The following RGS5 variants were observed in gnomAD, a reference collection of about 807,000 sequenced individuals.
RGS5 encodes regulator of G protein signaling 5.
A neutral mutation model predicts 18.9 loss-of-function variants in RGS5; 20 were observed. That is an observed-to-expected ratio of 1.06 (90% CI 0.74 to 1.54). The LOEUF is 1.54. Among genes scored for constraint, RGS5 ranks in the 40% most tolerant of loss-of-function variants. The pLI, the probability that RGS5 is intolerant of heterozygous loss-of-function variation, is 0.00. For synonymous variants in RGS5, 57 were observed against 76.2 expected (o/e 0.75, Z 1.31); for missense variants, 201 against 211.8 (o/e 0.95, Z 0.32).
At chr1:163,282,737 A>G (rs1168897911) in intron 2 of RGS5, among the ~76,000 whole-genome samples, 1 of 152,050 alleles carries the variant, frequency 6.6e-6, no homozygotes, top group Admixed American at 6.6e-5. Flanking sequence ...AATAAATAAA[A>G]ATTGAAATAT....
At chr1:163,316,435 A>G (rs1650023800) in intron 1 of RGS5, among the ~76,000 whole-genome samples, 1 of 152,234 alleles carries the variant, frequency 6.6e-6, no homozygotes, top group Non-Finnish European at 1.5e-5. Context: ...TTCATAATTC[A>G]TATAAGTGAA....
At chr1:163,202,751 C>A in intron 1 of RGS5, 41 bp downstream of exon 1, 1 of 1,594,806 alleles carries the variant, frequency 6.3e-7, no homozygotes, top group South Asian at 1.1e-5. Context: ...TAAAGATTCT[C>A]CATATCTGCA....
intron 2 of RGS5, among the ~76,000 whole-genome samples, chr1:163,253,666 A>G (rs1195567810): frequency 6.6e-6 from 1 of 151,116 alleles, no homozygotes; most frequent in Admixed American, 6.6e-5. Flanking sequence ...TATTATTATT[A>G]TACTTTAAGT....
chr1:163,189,845 C>A (rs192330465), intron 1 of RGS5, among the ~76,000 whole-genome samples: 1 of 152,298 alleles, frequency 6.6e-6, no homozygotes, highest in African/African-American at 2.4e-5. Context: ...ACAGGAGTCT[C>A]ATGCACCGTG....
intron 2 of RGS5, among the ~76,000 whole-genome samples, chr1:163,166,190 A>G (rs1658038884): frequency 1.3e-5 from 2 of 152,156 alleles, no homozygotes; most frequent in South Asian, 2.1e-4. Flanking sequence ...GAGGGTCCAC[A>G]GGGAAAAAGG....
chr1:163,164,362 A>C (rs1464771623), intron 2 of RGS5, among the ~76,000 whole-genome samples: 2 of 152,190 alleles, frequency 1.3e-5, no homozygotes, highest in Non-Finnish European at 1.5e-5. Flanking sequence ...GCTATTTCAA[A>C]TGAAACTCAA....
chr1:163,228,091 T>TTCTGGGG (rs1196830469), intron 2 of RGS5, among the ~76,000 whole-genome samples: 115 of 152,316 alleles, frequency 7.6e-4, no homozygotes, highest in Admixed American at 3.4e-3. Flanking sequence ...GGATCTACCA[T>TTCTGGGG]TCTGGGGTCT....
chr1:163,282,422 A>C (rs1247688257), intron 2 of RGS5, among the ~76,000 whole-genome samples: 1 of 152,150 alleles, frequency 6.6e-6, no homozygotes, highest in Non-Finnish European at 1.5e-5. Context: ...CAAAAAACAA[A>C]AATATGCCAG....
intron 1 of RGS5, among the ~76,000 whole-genome samples, chr1:163,172,312 T>G (rs1227548584): frequency 2.0e-5 from 3 of 152,232 alleles, no homozygotes; most frequent in African/African-American, 7.2e-5. Context: ...ACACAATGTA[T>G]CTCACATTTT....
At chr1:163,165,337 G>A (rs1657993111) in intron 2 of RGS5, among the ~76,000 whole-genome samples, 1 of 152,160 alleles carries the variant, frequency 6.6e-6, no homozygotes, top group Non-Finnish European at 1.5e-5. Flanking sequence ...ACATAGGCAG[G>A]GGAAAGGGAG....
chr1:163,252,443 C>T (rs553706707), intron 2 of RGS5, among the ~76,000 whole-genome samples: 1 of 152,292 alleles, frequency 6.6e-6, no homozygotes, highest in African/African-American at 2.4e-5. Flanking sequence ...AATTTAACTA[C>T]ATTTCGACGT....
At chr1:163,201,581 TA>T (rs1326356038) in intron 1 of RGS5, among the ~76,000 whole-genome samples, 2 of 151,944 alleles carry the variant, frequency 1.3e-5, no homozygotes, top group Admixed American at 6.6e-5. Context: ...TGGATCATAA[TA>T]AAAAAAAGTT....
chr1:163,182,148 A>G (rs1658876541), intron 1 of RGS5, among the ~76,000 whole-genome samples: 1 of 152,142 alleles, frequency 6.6e-6, no homozygotes, highest in Non-Finnish European at 1.5e-5. Context: ...ATGTTAATTG[A>G]ATGGATAAAT....
chr1:163,242,495 A>C (rs1392377232), intron 2 of RGS5, among the ~76,000 whole-genome samples: 1 of 152,216 alleles, frequency 6.6e-6, no homozygotes, highest in Non-Finnish European at 1.5e-5. Flanking sequence ...CTCTAAGGCA[A>C]ACTTTGAAAC....
At chr1:163,236,856 G>A (rs912511710) in intron 2 of RGS5, among the ~76,000 whole-genome samples, 5 of 152,056 alleles carry the variant, frequency 3.3e-5, no homozygotes, top group Non-Finnish European at 7.4e-5. Flanking sequence ...AGCTACTTGG[G>A]AGGCTGAGGC....
At chr1:163,299,548 A>C (rs1326605469) in intron 2 of RGS5, among the ~76,000 whole-genome samples, 3 of 152,222 alleles carry the variant, frequency 2.0e-5, no homozygotes, top group Non-Finnish European at 4.4e-5. Context: ...AATAATGTCA[A>C]CACAGGGTTA....
At chr1:163,233,468 T>A (rs1647535751) in intron 2 of RGS5, among the ~76,000 whole-genome samples, 2 of 152,264 alleles carry the variant, frequency 1.3e-5, no homozygotes, top group African/African-American at 4.8e-5. Flanking sequence ...AGTTTGGAAA[T>A]TTCAATGTAA....
chr1:163,178,808 T>C (rs1658676827), intron 1 of RGS5, among the ~76,000 whole-genome samples: 1 of 152,056 alleles, frequency 6.6e-6, no homozygotes, highest in Non-Finnish European at 1.5e-5. Flanking sequence ...TCGTGAACAA[T>C]AAATGTGGTG....
intron 2 of RGS5, among the ~76,000 whole-genome samples, chr1:163,290,320 G>A (rs1025621781): frequency 3.9e-5 from 6 of 152,106 alleles, no homozygotes; most frequent in Admixed American, 2.0e-4. Context: ...CCACGTCCTC[G>A]ATTTCCTTGG....
Sources: allele counts gnomAD v4.1 joint callset (sites outside exome capture counted in the v4.1 genomes callset), GRCh38; gene constraint gnomAD v4.1.1; transcripts MANE v1.5; gene names NCBI Gene and HGNC (gene_info 2026-07-23, HGNC 2026-07-21).